WDR41: variants seen among roughly 807,000 people sequenced by gnomAD.
WDR41 encodes the protein WD repeat-containing protein 41.
A neutral mutation model predicts 69.3 loss-of-function variants in WDR41; 63 were observed. The observed-to-expected ratio is 0.91, with a 90% confidence interval of 0.74 to 1.12. The LOEUF is 1.12. WDR41 is among the 50% of genes most tolerant of loss of function. The pLI is 0.00. For synonymous variants in WDR41, 185 were observed against 192.1 expected, an observed-to-expected ratio of 0.96 and a Z score of 0.31; for missense variants, 543 against 534.5, an observed-to-expected ratio of 1.02 and a Z score of -0.16.
At chr5:77,576,933 G>A (rs763249569) in intron 1 of WDR41, among the ~76,000 whole-genome samples, 1 of 152,092 alleles carries the variant, frequency 6.6e-6, no homozygotes, top group African/African-American at 2.4e-5. Context: ...ACTCCACATA[G>A]CATAATAATA....
chr5:77,520,669 C>T (rs9293718), intron 1 of WDR41, among the ~76,000 whole-genome samples: 61,726 of 152,012 alleles, frequency 0.41, 12,803 homozygotes, highest in African/African-American at 0.48. Flanking sequence ...AATGAACTTC[C>T]TTTCAGATCT....
At chr5:77,559,624 G>A (rs1743485655) in intron 1 of WDR41, among the ~76,000 whole-genome samples, 1 of 150,744 alleles carries the variant, frequency 6.6e-6, no homozygotes, top group African/African-American at 2.4e-5. Context: ...TTATATGTCA[G>A]CATTATATAT....
At chr5:77,551,688 A>C (rs115458181) in intron 1 of WDR41, among the ~76,000 whole-genome samples, 1 of 150,860 alleles carries the variant, frequency 6.6e-6, no homozygotes, top group Admixed American at 6.6e-5. Flanking sequence ...AAAAAATAAA[A>C]AAATAAAGCC....
rs1009992950 is a variant in WDR41 at position 77,525,835 on chromosome 5, G to A, written c.43-36263C>T. On this transcript the variant is annotated intron_variant, in intron 1 of 5. Coordinates refer to the WDR41 transcript ENST00000509971. The stretch of plus-strand genomic sequence containing the variant: ...GAAACAAAAAAATAGCCCAAGGCCC[G>A]GAGAGGTGTAAAGATAGTGCCAAAG... Among the ~76,000 whole-genome samples, 4 of 152,132 alleles carry A rather than the reference G, an allele frequency of 2.6e-5. 1 individual carries two copies. Among genetic ancestry groups the A allele is most frequent in the East Asian group, 1.9e-4 (1 of 5,200 alleles).
intron 1 of WDR41, among the ~76,000 whole-genome samples, chr5:77,506,533 C>T (rs1157172817): frequency 6.6e-6 from 1 of 152,212 alleles, no homozygotes; most frequent in Non-Finnish European, 1.5e-5. Context: ...AATCCCATTA[C>T]TGGGTATATA....
chr5:77,611,608 C>T (rs371068754), intron 1 of WDR41, among the ~76,000 whole-genome samples: 19 of 151,948 alleles, frequency 1.3e-4, no homozygotes, highest in Middle Eastern at 3.4e-3. Context: ...TTGAAACCAA[C>T]GAGAACAAGA....
Position 77,555,490 on chromosome 5 carries a change from A to G in WDR41, c.42+64989T>C, listed in dbSNP as rs149435500. The stretch of plus-strand genomic sequence containing the variant: ...CACCCAGCTAATTGTTTTGGTTTTT[A>G]GCAGAGGCAAGGTCTCGCTATGTTG... On this transcript the variant is annotated intron_variant, in intron 1 of 5. Transcript: ENST00000509971. 3.9e-3 allele frequency among the ~76,000 whole-genome samples: 595 copies of G among 152,186 alleles called. 5 individuals carry two copies. The highest frequency in any genetic ancestry group is 5.7e-3 in the African/African-American group (237 of 41,512).
intron 2 of WDR41, among the ~76,000 whole-genome samples, chr5:77,469,435 C>T (rs548632874): frequency 2.5e-3 from 387 of 152,286 alleles, no homozygotes; most frequent in African/African-American, 8.9e-3. Context: ...CCTCTGTTGT[C>T]ATCTAACATG....
At chr5:77,474,999 C>G (rs1207869649) in intron 2 of WDR41, among the ~76,000 whole-genome samples, 1 of 152,216 alleles carries the variant, frequency 6.6e-6, no homozygotes, top group African/African-American at 2.4e-5. Flanking sequence ...CATTGCCTCA[C>G]TCGGGAAGCT....
intron 1 of WDR41, among the ~76,000 whole-genome samples, chr5:77,616,273 T>G (rs1257457236): frequency 6.6e-6 from 1 of 152,174 alleles, no homozygotes; most frequent in African/African-American, 2.4e-5. Context: ...AACTAGCCTG[T>G]GATAAATATG....
intron 1 of WDR41, among the ~76,000 whole-genome samples, chr5:77,550,349 C>A (rs56187713): frequency 0.13 from 20,043 of 152,106 alleles, 3,062 homozygotes; most frequent in African/African-American, 0.35. Flanking sequence ...ATTCATCCAA[C>A]AAAGGTCTAA....
At position 77,463,197 on chromosome 5, in the gene WDR41, T is replaced by A; in HGVS notation, c.246A>T (p.Gly82=). Residue 82 remains glycine, a synonymous_variant, in exon 4 of 13, where the codon GGA becomes GGT. Transcript: ENST00000296679. ...TAATAGCTGTTATCTTTTGAGTGTG[T>A]CCATTCAGTTCTAAAAGTTTTTCCC... ...QTGEKLLELN[G]HTQKITAIIT... The A allele has an allele frequency of 6.2e-7, 1 of 1,610,822 alleles. No individual in the cohort carries two copies.
chr5:77,466,806 AT>A (rs201249403), intron 2 of WDR41, among the ~76,000 whole-genome samples: 23,771 of 135,050 alleles, frequency 0.18, 2,223 homozygotes, highest in African/African-American at 0.34. Flanking sequence ...TATTGCTACC[AT>A]TTTTTTTTTT....
intron 1 of WDR41, among the ~76,000 whole-genome samples, chr5:77,581,529 T>A (rs1743940075): frequency 6.6e-6 from 1 of 152,184 alleles, no homozygotes; most frequent in East Asian, 1.9e-4. Flanking sequence ...TAGAGAACAC[T>A]TCACCCAACA....
chr5:77,558,094 T>TAAAAAAAAA lies in WDR41; in HGVS notation c.42+62376_42+62384dup, dbSNP rs71608105. On this transcript the variant is annotated intron_variant, in intron 1 of 5. Transcript: ENST00000509971. ...CATAGGGAACTTCAAATGTTCTTTT[T>TAAAAAAAAA]AAAAAAAAAAAAAAAAAAAAAACAA... Among the ~76,000 whole-genome samples the TAAAAAAAAA allele has an allele frequency of 4.1e-4, 43 of 104,268 alleles. 2 individuals are homozygous for TAAAAAAAAA. Among genetic ancestry groups the TAAAAAAAAA allele is most frequent in the East Asian group, 3.7e-3 (12 of 3,258 alleles). 68.4% of individuals were successfully genotyped at this position (104,268 alleles called of 152,430 possible).
chr5:77,447,889 T>G (rs1799451286), intron 8 of WDR41, among the ~76,000 whole-genome samples: 1 of 152,194 alleles, frequency 6.6e-6, no homozygotes, highest in South Asian at 2.1e-4. Flanking sequence ...AGAAGAAATT[T>G]TTTAAAAAGA....
At chr5:77,555,121 A>G (rs1743367737) in intron 1 of WDR41, among the ~76,000 whole-genome samples, 1 of 152,106 alleles carries the variant, frequency 6.6e-6, no homozygotes, top group Non-Finnish European at 1.5e-5. Flanking sequence ...ATAGAACTTA[A>G]CACACACACT....
intron 1 of WDR41, among the ~76,000 whole-genome samples, chr5:77,609,067 G>A (rs1744487204): frequency 6.6e-6 from 1 of 152,202 alleles, no homozygotes; most frequent in Non-Finnish European, 1.5e-5. Flanking sequence ...ACAGCAGTCT[G>A]AGATCAAACT....
At position 77,605,386 on chromosome 5, in the gene WDR41, C is replaced by G. The variant is rs371821364; in HGVS notation, c.42+15093G>C. ...TCCCAAAGCAGGGGTTACATACACT[C>G]TTTATTCATTAGTAGTGGGTATTTT... On this transcript the variant is annotated intron_variant, in intron 1 of 5. Transcript: ENST00000509971. Among the ~76,000 whole-genome samples the G allele has an allele frequency of 5.9e-5, 9 of 152,314 alleles. No individual in the cohort carries two copies. In the East Asian group the frequency reaches 7.7e-4, roughly 13 times the overall value.
Sources: allele counts gnomAD v4.1 joint callset (sites outside exome capture counted in the v4.1 genomes callset), GRCh38; gene constraint gnomAD v4.1.1; transcripts MANE v1.5; gene names NCBI Gene and HGNC (gene_info 2026-07-23, HGNC 2026-07-21).